ANTXR2: variants seen among roughly 807,000 people sequenced by gnomAD.
ANTXR2 encodes ANTXR cell adhesion molecule 2.
ANTXR2 carries 44 observed loss-of-function variants against 73.7 expected under a neutral mutation model. The ratio of observed to expected loss-of-function variants is 0.60; its 90% CI spans 0.47 to 0.77. The LOEUF (loss-of-function observed/expected upper bound fraction) is 0.77. Among genes scored for constraint, ANTXR2 ranks in the 30% least tolerant of loss-of-function variants. The pLI is 0.00. For synonymous variants in ANTXR2, 217 were observed against 205.9 expected (o/e 1.05, Z -0.46); for missense variants, 604 against 592.5 (o/e 1.02, Z -0.20).
At chr4:80,003,004 C>G (rs79259647) in intron 12 of ANTXR2, among the ~76,000 whole-genome samples, 3,510 of 131,886 alleles carry the variant, frequency 0.027, 38 homozygotes, top group Non-Finnish European at 0.041. Context: ...TCAGTGTGGC[C>G]ATTCCTCAGG....
intron 12 of ANTXR2, among the ~76,000 whole-genome samples, chr4:80,007,724 G>C (rs1016611211): frequency 6.6e-6 from 1 of 152,136 alleles, no homozygotes; most frequent in Non-Finnish European, 1.5e-5. Flanking sequence ...AGAAAGGGGG[G>C]TATGAGGCAA....
At chr4:80,042,800 C>T (rs1020717638) in intron 7 of ANTXR2, among the ~76,000 whole-genome samples, 1 of 151,946 alleles carries the variant, frequency 6.6e-6, no homozygotes, top group Non-Finnish European at 1.5e-5. Context: ...CCCAACATCG[C>T]AAAAACAGGT....
At chr4:80,010,082 A>C (rs1731499240) in intron 11 of ANTXR2, among the ~76,000 whole-genome samples, 1 of 151,614 alleles carries the variant, frequency 6.6e-6, no homozygotes, top group Admixed American at 6.6e-5. Context: ...AGGGAAGAAA[A>C]GAAAAAGAGC....
At chr4:80,008,660 A>G (rs1731426078) in intron 11 of ANTXR2, 44 bp from the exon 12 acceptor site, 1 of 1,299,978 alleles carries the variant, frequency 7.7e-7, no homozygotes, top group Non-Finnish European at 1.1e-6. Context: ...AGCACAGCTT[A>G]TGGTCAAATT....
intron 16 of ANTXR2, among the ~76,000 whole-genome samples, chr4:79,929,508 T>TATC (rs1727977172): frequency 6.6e-6 from 1 of 152,086 alleles, no homozygotes; most frequent in Non-Finnish European, 1.5e-5. Flanking sequence ...CGAGACTCAG[T>TATC]ATCAACAACA....
At chr4:80,043,905 G>A (rs981977174) in intron 7 of ANTXR2, among the ~76,000 whole-genome samples, 1 of 151,800 alleles carries the variant, frequency 6.6e-6, no homozygotes, top group African/African-American at 2.4e-5. Context: ...AATTTGCATC[G>A]AGTCTATATC....
intron 10 of ANTXR2, among the ~76,000 whole-genome samples, chr4:80,020,393 AG>A (rs1732101530): frequency 6.6e-6 from 1 of 152,068 alleles, no homozygotes; most frequent in Non-Finnish European, 1.5e-5. Context: ...CAAAAAAAAA[AG>A]CAAAAACAAA....
intron 16 of ANTXR2, among the ~76,000 whole-genome samples, chr4:79,947,834 T>C (rs976366826): frequency 2.0e-5 from 3 of 152,186 alleles, no homozygotes; most frequent in Non-Finnish European, 2.9e-5. Context: ...ATTTCACAAA[T>C]ATAGATTTGA....
chr4:80,054,540 A>G (rs548187546), intron 6 of ANTXR2, among the ~76,000 whole-genome samples, 188 bp from the exon 7 acceptor site: 2 of 151,932 alleles, frequency 1.3e-5, no homozygotes, highest in South Asian at 4.1e-4. Flanking sequence ...TATTACCACA[A>G]AATGAATTGA....
At chr4:80,025,890 G>A (rs1252721764) in intron 10 of ANTXR2, among the ~76,000 whole-genome samples, 2 of 152,118 alleles carry the variant, frequency 1.3e-5, no homozygotes, top group African/African-American at 4.8e-5. Flanking sequence ...AGGAAAAAGA[G>A]CTATATTCAG....
At chr4:80,051,883 T>C (rs1278179471) in intron 7 of ANTXR2, among the ~76,000 whole-genome samples, 5 of 151,670 alleles carry the variant, frequency 3.3e-5, no homozygotes, top group Admixed American at 1.3e-4. Context: ...TAACAATATA[T>C]GATATCTTAC....
At chr4:79,914,750 C>T (rs1727279571) in intron 16 of ANTXR2, among the ~76,000 whole-genome samples, 1 of 152,166 alleles carries the variant, frequency 6.6e-6, no homozygotes, top group African/African-American at 2.4e-5. Flanking sequence ...CTATTCTTCA[C>T]ATAATCCCAA....
chr4:80,029,858 A>G (rs971004080), intron 10 of ANTXR2, among the ~76,000 whole-genome samples: 2 of 151,856 alleles, frequency 1.3e-5, no homozygotes, highest in Non-Finnish European at 2.9e-5. Context: ...CAGTGTGACC[A>G]TAACTGAGTA....
rs1337858419 is a variant in ANTXR2 at position 80,015,971 on chromosome 4, AGG to A, written c.945+2925_945+2926del. 8.1e-4 allele frequency among the ~76,000 whole-genome samples: 118 copies of A among 145,284 alleles called. 15 individuals carry two copies. In the East Asian group the frequency reaches 0.011, roughly 14 times the overall value. On this transcript the variant is annotated intron_variant, in intron 11 of 16. Transcript: ENST00000403729. ...AGGAAAGGAAAGGAAAGGAAAGGAA[AGG>A]AAAGGAAAGGAAAGGAAAGGAAAGG...
At chr4:80,031,530 A>G in intron 10 of ANTXR2, 93 bp downstream of exon 10, 1 of 1,044,716 alleles carries the variant, frequency 9.6e-7, no homozygotes. Context: ...TATATCAAAA[A>G]AAGATAGAAT....
chr4:79,945,222 T>C (rs1379197898), intron 16 of ANTXR2, among the ~76,000 whole-genome samples: 1 of 152,030 alleles, frequency 6.6e-6, no homozygotes, highest in Non-Finnish European at 1.5e-5. Flanking sequence ...TTAAGCAATA[T>C]GTACAAAAAT....
In ANTXR2 at chr4:80,019,105, C is replaced by T; in HGVS notation, c.867-129G>A. On this transcript the variant is annotated intron_variant, in intron 10 of 16. Transcript: ENST00000403729. ...AAGAGTAAGGGTCTCAAACTCCTGA[C>T]CTCAGATGATCCACCCACCTCGGCC... 6.7e-6 allele frequency: 4 copies of T among 600,540 alleles called. No individual in the cohort carries two copies. The South Asian group carries it at 1.1e-4, about 17-fold the overall frequency. 37.2% of individuals were successfully genotyped at this position (600,540 alleles called of 1,614,324 possible). A position where few individuals can be genotyped will look rare whatever the true frequency, so the allele number is the denominator to read the frequency against.
intron 7 of ANTXR2, among the ~76,000 whole-genome samples, chr4:80,036,618 T>C (rs1034841956): frequency 1.3e-5 from 2 of 151,754 alleles, no homozygotes; most frequent in African/African-American, 2.4e-5. Context: ...CTGGCCAACA[T>C]AGTGAATCCT....
intron 16 of ANTXR2, among the ~76,000 whole-genome samples, chr4:79,927,634 G>T (rs1727872861): frequency 6.6e-6 from 1 of 152,096 alleles, no homozygotes; most frequent in African/African-American, 2.4e-5. Flanking sequence ...TTGGTTGATT[G>T]AATCTGAGAA....
Sources: allele counts gnomAD v4.1 joint callset (sites outside exome capture counted in the v4.1 genomes callset), GRCh38; gene constraint gnomAD v4.1.1; transcripts MANE v1.5; gene names NCBI Gene and HGNC (gene_info 2026-07-23, HGNC 2026-07-21).